Variants in DNAAF9 observed in about 807,000 individuals in gnomAD.
The protein encoded by DNAAF9 is shulin.
In DNAAF9, 90 loss-of-function variants were observed where a neutral mutation model predicts 167.0. The ratio of observed to expected loss-of-function variants is 0.54; its 90% confidence interval spans 0.45 to 0.64. The LOEUF is 0.64. Ranked by LOEUF, DNAAF9 falls within the 30% of genes least tolerant of loss-of-function variation. The pLI is 0.00. For synonymous variants in DNAAF9, 491 were observed against 508.8 expected, an observed-to-expected ratio of 0.96 and a Z score of 0.47; for missense variants, 1,315 against 1,442.2, an observed-to-expected ratio of 0.91 and a Z score of 1.43.
rs541928342 is a variant in DNAAF9, at chr20:3,379,299, T to A, written c.283+2080A>T. Among the ~76,000 whole-genome samples, 61 of 151,230 alleles carry A rather than the reference T, an allele frequency of 4.0e-4. No homozygotes were observed. The South Asian group carries it at 0.012, about 30-fold the overall frequency. On this transcript the variant is annotated intron_variant, in intron 3 of 36. Transcript: ENST00000252032. ...AAGAGGAAAGCATATGAGAATGGGATGAATACGTAACCTATTTAAAAGCTG... is the reference window on the plus strand; with the variant it reads ...AAGAGGAAAGCATATGAGAATGGGAAGAATACGTAACCTATTTAAAAGCTG...
chr20:3,322,189 C>A, intron 16 of DNAAF9, 28 bp downstream of exon 16: 1 of 1,583,670 alleles, frequency 6.3e-7, no homozygotes, highest in Non-Finnish European at 8.6e-7. Flanking sequence ...CCATTCCCAG[C>A]CAGCTGACCC....
At chr20:3,386,951 G>A (rs2083749611) in intron 1 of DNAAF9, among the ~76,000 whole-genome samples, 1 of 152,118 alleles carries the variant, frequency 6.6e-6, no homozygotes, top group Admixed American at 6.5e-5. Flanking sequence ...GAAAAACAGT[G>A]ACTACCAAAC....
chr20:3,307,967 T>TAAAAAAAAAAAAAAAAAA (rs367851853), intron 20 of DNAAF9, among the ~76,000 whole-genome samples: 1 of 123,452 alleles, frequency 8.1e-6, no homozygotes, highest in Non-Finnish European at 1.6e-5. Flanking sequence ...ACACAAGGTT[T>TAAAAAAAAAAAAAAAAAA]AAAAAAAAAA....
intron 6 of DNAAF9, among the ~76,000 whole-genome samples, chr20:3,360,382 G>T (rs1362639034): frequency 1.3e-5 from 2 of 152,084 alleles, no homozygotes; most frequent in Non-Finnish European, 2.9e-5. Context: ...CTCCCAAACT[G>T]CTGGGATTAC....
intron 1 of DNAAF9, among the ~76,000 whole-genome samples, chr20:3,391,316 T>TA (rs554507089): frequency 1.3e-5 from 2 of 151,750 alleles, no homozygotes; most frequent in Admixed American, 1.3e-4. Flanking sequence ...ACCTTTTAAT[T>TA]AAAAAAAAGA....
chr20:3,334,374 A>C (rs1258849398), intron 10 of DNAAF9, among the ~76,000 whole-genome samples: 1 of 152,082 alleles, frequency 6.6e-6, no homozygotes, highest in Non-Finnish European at 1.5e-5. Flanking sequence ...TTCTTTGTCC[A>C]CTCAGTACAG....
chr20:3,302,402 C>A (rs1322794688), intron 21 of DNAAF9, among the ~76,000 whole-genome samples: 2 of 152,162 alleles, frequency 1.3e-5, no homozygotes, highest in Non-Finnish European at 2.9e-5. Context: ...TCTCTTCTAG[C>A]TATTGTGAGA....
intron 16 of DNAAF9, among the ~76,000 whole-genome samples, chr20:3,320,514 A>C (rs1308811035): frequency 6.6e-6 from 1 of 152,196 alleles, no homozygotes; most frequent in African/African-American, 2.4e-5. Context: ...ACTGCTCAAG[A>C]GTCTAAGGAG....
chr20:3,336,252 G>GTTTTTTTTTTTTTTTTTTTTTTTTT (rs1178750984), intron 10 of DNAAF9, among the ~76,000 whole-genome samples: 7 of 81,438 alleles, frequency 8.6e-5, no homozygotes, highest in East Asian at 3.3e-4. Context: ...ACAGTTTTGC[G>GTTTTTTTTTTTTTTTTTTTTTTTTT]TTTTTGTTTT....
At chr20:3,340,404 C>T in intron 10 of DNAAF9, 100 bp downstream of exon 10, 1 of 968,082 alleles carries the variant, frequency 1.0e-6, no homozygotes. Flanking sequence ...AATCAACACA[C>T]TAACTGGAAA....
chr20:3,304,644 C>A, intron 20 of DNAAF9, 101 bp from the exon 21 acceptor site: 1 of 668,470 alleles, frequency 1.5e-6, no homozygotes. Flanking sequence ...AGGCCAGTAT[C>A]AGTAGCAATT....
Position 3,290,209 on chromosome 20 carries a change from G to A in DNAAF9, c.2247C>T (p.Ile749=). The change falls in exon 26 of 37, where the codon ATC becomes ATT. Residue 749 remains isoleucine, a synonymous_variant. Transcript: ENST00000252032. ...THRIESDKVI[I]SIVTGLPGCH... Reference sequence around the variant, plus strand: ...AGCCTGGGAGGCCGGTTACAATGCTGATAATTACCTACATGAAGAAAAAGT... The same window carrying A: ...AGCCTGGGAGGCCGGTTACAATGCTAATAATTACCTACATGAAGAAAAAGT... The A allele has an allele frequency of 2.5e-6, 4 of 1,603,726 alleles. No homozygotes were observed. The highest frequency in any genetic ancestry group is 3.4e-6 in the Non-Finnish European group (4 of 1,170,466).
intron 26 of DNAAF9, among the ~76,000 whole-genome samples, chr20:3,288,284 C>T (rs903044383): frequency 2.6e-5 from 4 of 152,174 alleles, no homozygotes; most frequent in African/African-American, 7.2e-5. Flanking sequence ...AATTCCATCT[C>T]TACTAAAAAT....
At chr20:3,298,992 C>G (rs1047962699) in intron 21 of DNAAF9, among the ~76,000 whole-genome samples, 1 of 149,964 alleles carries the variant, frequency 6.7e-6, no homozygotes, top group Non-Finnish European at 1.5e-5. Flanking sequence ...CGCTGCAACC[C>G]CCGCCTCCTG....
chr20:3,352,108 A>ATTAT (rs2070337000), intron 7 of DNAAF9, among the ~76,000 whole-genome samples: 1 of 152,194 alleles, frequency 6.6e-6, no homozygotes, highest in Non-Finnish European at 1.5e-5. Context: ...ATGCATAAGT[A>ATTAT]TTATTTGTTC....
chr20:3,268,897 CTTTTTTTTT>C lies in DNAAF9; in HGVS notation c.2786+1521_2786+1529del, dbSNP rs386393120. Reference sequence around the variant, plus strand: ...GTAAAGAGATAATATCTCTATGTTACTTTTTTTTTTTTTTTTTTTTTTTTGAGACAGAGG... The same window carrying C: ...GTAAAGAGATAATATCTCTATGTTACTTTTTTTTTTTTTTTGAGACAGAGG... On this transcript the variant is annotated intron_variant, in intron 30 of 36. Transcript: ENST00000252032. Among the ~76,000 whole-genome samples, 145 of 85,850 alleles carry C rather than the reference CTTTTTTTTT, an allele frequency of 1.7e-3. 4 individuals are homozygous for C. Among genetic ancestry groups the C allele is most frequent in the African/African-American group, 6.2e-3 (133 of 21,500 alleles). 56.3% of individuals were successfully genotyped at this position (85,850 alleles called of 152,430 possible). A position where few individuals can be genotyped will look rare whatever the true frequency, so the allele number is the denominator to read the frequency against.
chr20:3,299,662 G>C (rs536255806), intron 21 of DNAAF9, among the ~76,000 whole-genome samples: 2 of 152,284 alleles, frequency 1.3e-5, no homozygotes, highest in South Asian at 2.1e-4. Context: ...GAATGGTTCT[G>C]GCATCCTTGT....
chr20:3,263,803 T>G (rs6051693), intron 31 of DNAAF9, among the ~76,000 whole-genome samples: 36,683 of 152,188 alleles, frequency 0.24, 4,874 homozygotes, highest in African/African-American at 0.34. Context: ...AAGACTGAAT[T>G]ATAAATTTTG....
rs1008405101 is a variant in DNAAF9 at position 3,252,706 on chromosome 20, G to A, written c.3422-22C>T. The A allele has an allele frequency of 2.8e-6, 4 of 1,408,484 alleles. No individual in the cohort carries two copies. In the African/African-American group the frequency reaches 4.2e-5, roughly 15 times the overall value. The allele number at this position is 1,408,484 out of a possible 1,614,324, so 87.2% of individuals were successfully genotyped here. On this transcript the variant is annotated intron_variant, in intron 36 of 36. Transcript: ENST00000252032. ...ATGACTGGTATCTCATTAAGGAAGA[G>A]AGCTCTGAGCCTGGAGGACAAGGGA...
Sources: allele counts gnomAD v4.1 joint callset (sites outside exome capture counted in the v4.1 genomes callset), GRCh38; gene constraint gnomAD v4.1.1; transcripts MANE v1.5; gene names NCBI Gene and HGNC (gene_info 2026-07-23, HGNC 2026-07-21).